Variants in PCDHA7 observed in about 807,000 individuals in gnomAD.
PCDHA7 encodes protocadherin alpha-7.
In PCDHA7, 37 loss-of-function variants were observed where a neutral mutation model predicts 57.2. That is an observed-to-expected ratio of 0.65 (90% CI 0.50 to 0.85). The LOEUF is 0.85. Among genes scored for constraint, PCDHA7 ranks in the 40% least tolerant of loss-of-function variants. The pLI is 0.00. For synonymous variants in PCDHA7, 553 were observed against 558.8 expected (o/e 0.99, Z 0.15); for missense variants, 1,188 against 1,241.8 (o/e 0.96, Z 0.65).
intron 1 of PCDHA7, chr5:140,843,091 G>C: frequency 6.3e-7 from 1 of 1,595,616 alleles, no homozygotes; most frequent in Non-Finnish European, 8.6e-7. Context: ...CGGGCCACGT[G>C]GTAGCGAAGG....
chr5:140,850,188 C>T (rs2150472267), intron 1 of PCDHA7: 1 of 1,593,702 alleles, frequency 6.3e-7, no homozygotes, highest in Non-Finnish European at 8.6e-7. Flanking sequence ...TGCGCCGGCG[C>T]TGCTGACACC....
chr5:140,855,355 C>T (rs1489669614), intron 1 of PCDHA7, among the ~76,000 whole-genome samples: 3 of 149,796 alleles, frequency 2.0e-5, no homozygotes, highest in African/African-American at 7.3e-5. Context: ...AGTCATGTGG[C>T]TAGTGAGTAG....
At chr5:140,857,986 A>C in intron 1 of PCDHA7, 1 of 1,596,686 alleles carries the variant, frequency 6.3e-7, no homozygotes, top group South Asian at 1.1e-5. Flanking sequence ...GCCAGCGCCT[A>C]CTGGTGCTGG....
At chr5:140,947,530 CAATTTCTACAAAG>C (rs2094141786) in intron 1 of PCDHA7, among the ~76,000 whole-genome samples, 1 of 151,588 alleles carries the variant, frequency 6.6e-6, no homozygotes, top group African/African-American at 2.4e-5. Flanking sequence ...ATCAACTTTT[CAATTTCTACAAAG>C]AATTCCGCTG....
intron 1 of PCDHA7, among the ~76,000 whole-genome samples, chr5:140,895,802 CTGTATTGTAT>C (rs1289601886): frequency 6.6e-6 from 1 of 152,048 alleles, no homozygotes; most frequent in Admixed American, 6.6e-5. Context: ...ATGTACAATA[CTGTATTGTAT>C]TGTATTGTAT....
intron 3 of PCDHA7, among the ~76,000 whole-genome samples, chr5:140,994,064 A>G (rs902624513): frequency 6.6e-6 from 1 of 152,142 alleles, no homozygotes; most frequent in African/African-American, 2.4e-5. Context: ...TATAAATCTA[A>G]TGGTGAAGGG....
At chr5:140,884,170 G>T (rs1333457358) in intron 1 of PCDHA7, 2 of 1,613,412 alleles carry the variant, frequency 1.2e-6, no homozygotes, top group Non-Finnish European at 8.5e-7. Context: ...TCAGCACGAC[G>T]CGCCCTCTGG....
chr5:140,912,897 G>A (rs782442093), intron 1 of PCDHA7, among the ~76,000 whole-genome samples: 5 of 152,172 alleles, frequency 3.3e-5, no homozygotes, highest in Non-Finnish European at 5.9e-5. Context: ...TTGATATGAT[G>A]TATCATATTG....
At chr5:140,967,109 C>T in intron 1 of PCDHA7, 1 of 1,612,966 alleles carries the variant, frequency 6.2e-7, no homozygotes, top group Non-Finnish European at 8.5e-7. Flanking sequence ...TGAGCAGCGG[C>T]CTCGCTGCCT....
rs782492418 is a variant in PCDHA7 at position 140,858,271 on chromosome 5, C to T, written c.2355+21533C>T. On this transcript the variant is annotated intron_variant, in intron 1 of 3. Coordinates refer to ENST00000525929, the MANE Select transcript of PCDHA7 (RefSeq NM_018910.3). ...TGAAGCCCACGCTGGTGTGCTCTAGCGCGGTGGGGAGCTGGTCTTACTCGC... is the reference window on the plus strand; with the variant it reads ...TGAAGCCCACGCTGGTGTGCTCTAGTGCGGTGGGGAGCTGGTCTTACTCGC... 2.3e-5 allele frequency: 37 copies of T among 1,597,010 alleles called. 3 individuals are homozygous for T. The highest frequency in any genetic ancestry group is 8.4e-5 in the Admixed American group (5 of 59,172).
In PCDHA7 at chr5:140,835,792, C is replaced by G. The variant is rs2150244938; in HGVS notation, c.1409C>G (p.Pro470Arg). 1.9e-6 allele frequency: 3 copies of G among 1,613,122 alleles called. No homozygotes were observed. Among genetic ancestry groups the G allele is most frequent in the Non-Finnish European group, 2.5e-6 (3 of 1,179,750 alleles). Residue 470 changes from proline (P) to arginine (R), a missense_variant, in exon 1 of 4, where the codon CCG becomes CGG. Physicochemically the swap from Pro to Arg is moderately radical, Grantham distance 103 (BLOSUM62 -2). Coordinates refer to ENST00000525929, the MANE Select transcript of PCDHA7 (RefSeq NM_018910.3). Reference sequence around the variant, plus strand: ...GTGTTCGTGAAGGAGAACAACCCGCCGGGCTGCCACATCTTCACTGTGTCG... The same window carrying G: ...GTGTTCGTGAAGGAGAACAACCCGCGGGGCTGCCACATCTTCACTGTGTCG... ...YTVFVKENNP[P>R]GCHIFTVSAG...
intron 1 of PCDHA7, among the ~76,000 whole-genome samples, chr5:140,890,014 A>G (rs1402612271): frequency 6.6e-6 from 1 of 152,148 alleles, no homozygotes; most frequent in African/African-American, 2.4e-5. Flanking sequence ...TGCCAGAAAA[A>G]TGTAGAAGGC....
chr5:140,943,359 G>T (rs1374185019), intron 1 of PCDHA7, among the ~76,000 whole-genome samples: 2 of 151,772 alleles, frequency 1.3e-5, no homozygotes, highest in Non-Finnish European at 2.9e-5. Flanking sequence ...TAGAGGAAAG[G>T]AGATCATTAA....
At position 140,850,380 on chromosome 5, in the gene PCDHA7, G is replaced by A. The variant is rs1554144242; in HGVS notation, c.2355+13642G>A. On this transcript the variant is annotated intron_variant, in intron 1 of 3. Transcript: ENST00000525929. ...CCCGTTCCGCGTGGGGCTGTACACG[G>A]GCGAGATCAGCACAACGCGTGCCCT... 2.5e-6 allele frequency: 4 copies of A among 1,597,780 alleles called. 1 individual carries two copies. Among genetic ancestry groups the A allele is most frequent in the East Asian group, 2.2e-5 (1 of 44,840 alleles).
intron 1 of PCDHA7, 27 bp downstream of exon 1, chr5:140,836,765 A>G (rs200916074): frequency 3.4e-5 from 53 of 1,563,040 alleles, no homozygotes; most frequent in Middle Eastern, 1.7e-4. Context: ...CTTGTTTCCA[A>G]CAATTTTAAA....
At chr5:140,884,503 AGGGAGTT>A (rs782338567) in intron 1 of PCDHA7, 2 of 1,613,940 alleles carry the variant, frequency 1.2e-6, no homozygotes, top group Non-Finnish European at 1.7e-6. Context: ...CCAGCGCGGC[AGGGAGTT>A]GGTCGTACTC....
chr5:140,862,794 G>A (rs1554156969), intron 1 of PCDHA7: 1 of 575,742 alleles, frequency 1.7e-6, no homozygotes, highest in Non-Finnish European at 3.3e-6. Flanking sequence ...ACTACGAGGA[G>A]CTGGAGCTGC....
intron 1 of PCDHA7, among the ~76,000 whole-genome samples, chr5:140,950,427 C>T (rs393858): frequency 0.56 from 85,078 of 151,138 alleles, 24,477 homozygotes; most frequent in African/African-American, 0.69. Flanking sequence ...TTTTCTTCCA[C>T]TTAAAAAAAA....
At chr5:140,867,714 T>C (rs1345564202) in intron 1 of PCDHA7, 1 of 152,070 alleles carries the variant, frequency 6.6e-6, no homozygotes, top group Non-Finnish European at 1.5e-5. Flanking sequence ...CCTAAGGGTA[T>C]ATGAAAAGAC....
Sources: allele counts gnomAD v4.1 joint callset (sites outside exome capture counted in the v4.1 genomes callset), GRCh38; gene constraint gnomAD v4.1.1; transcripts MANE v1.5; gene names NCBI Gene and HGNC (gene_info 2026-07-23, HGNC 2026-07-21).